Variants in TMEM132B observed in about 807,000 individuals in gnomAD.
The protein encoded by TMEM132B is transmembrane protein 132B.
A neutral mutation model predicts 90.8 loss-of-function variants in TMEM132B; 18 were observed. The ratio of observed to expected loss-of-function variants is 0.20; its 90% CI spans 0.14 to 0.29. The LOEUF (loss-of-function observed/expected upper bound fraction) is 0.29. Among genes scored for constraint, TMEM132B ranks in the 10% least tolerant of loss-of-function variants. The pLI is 1.00. For missense variants in TMEM132B, 1,096 were observed against 1,326.8 expected, an observed-to-expected ratio of 0.83 and a Z score of 2.70; for synonymous variants, 504 against 523.3, an observed-to-expected ratio of 0.96 and a Z score of 0.50.
chr12:125,294,025 C>T (rs1168974076), intron 1 of TMEM132B, among the ~76,000 whole-genome samples: 1 of 152,214 alleles, frequency 6.6e-6, no homozygotes, highest in African/African-American at 2.4e-5. Flanking sequence ...AGCCTTGCAG[C>T]CAGCAAGCCT....
intron 4 of TMEM132B, among the ~76,000 whole-genome samples, chr12:125,581,868 C>T (rs1885061839): frequency 6.6e-6 from 1 of 152,112 alleles, no homozygotes; most frequent in Admixed American, 6.5e-5. Flanking sequence ...CACAGTGCTT[C>T]CAGTCCTATG....
At chr12:125,484,052 C>T (rs1270642876) in intron 3 of TMEM132B, among the ~76,000 whole-genome samples, 1 of 152,102 alleles carries the variant, frequency 6.6e-6, no homozygotes, top group Non-Finnish European at 1.5e-5. Flanking sequence ...TGTTCTTTCA[C>T]AACTTACCCC....
intron 1 of TMEM132B, among the ~76,000 whole-genome samples, chr12:125,262,919 C>T (rs2136111574): frequency 6.6e-6 from 1 of 152,316 alleles, no homozygotes; most frequent in East Asian, 1.9e-4. Context: ...TTGGGGAGCA[C>T]CTTGCAGAGC....
chr12:125,395,311 C>T (rs910326083), intron 2 of TMEM132B, among the ~76,000 whole-genome samples: 3 of 152,188 alleles, frequency 2.0e-5, no homozygotes, highest in Admixed American at 1.3e-4. Context: ...TATGACCAGA[C>T]ATTTTACAAA....
At chr12:125,258,001 A>G (rs1463383296) in intron 1 of TMEM132B, among the ~76,000 whole-genome samples, 1 of 152,248 alleles carries the variant, frequency 6.6e-6, no homozygotes, top group African/African-American at 2.4e-5. Context: ...ATTTCAGCAC[A>G]ATTTGTTACA....
intron 3 of TMEM132B, among the ~76,000 whole-genome samples, chr12:125,453,131 A>T (rs1260648802): frequency 1.3e-5 from 2 of 151,760 alleles, no homozygotes; most frequent in Non-Finnish European, 2.9e-5. Flanking sequence ...CAACACTTAA[A>T]TTTTTTTAAT....
Position 125,415,540 on chromosome 12 carries a change from G to A in TMEM132B, c.969G>A (p.Ala323=), listed in dbSNP as rs1348467148. 15 of 1,613,994 alleles carry A rather than the reference G, an allele frequency of 9.3e-6. 1 individual carries two copies. In the South Asian group the frequency reaches 1.1e-4, roughly 12 times the overall value. The part of the protein sequence containing the change: ...VADQFTLRIK[A]AAGVKITAVR... ...TTTTCCCACCCCACAGAATTAAGGC[G>A]GCAGCAGGTGTGAAGATAACGGCAG... The change falls in exon 3 of 9, where the codon GCG becomes GCA. Residue 323 remains alanine, a synonymous_variant. Transcript: ENST00000682704. The surrounding 1 kb of genome is among the most constrained non-coding windows in gnomAD (Gnocchi z 5.3).
At chr12:125,523,162 C>T (rs545071897) in intron 4 of TMEM132B, among the ~76,000 whole-genome samples, 15 of 152,280 alleles carry the variant, frequency 9.9e-5, no homozygotes, top group East Asian at 3.9e-4. Flanking sequence ...TCCTGTGCTG[C>T]GCTAACAAAT....
At chr12:125,505,192 A>C (rs999770569) in intron 3 of TMEM132B, among the ~76,000 whole-genome samples, 2 of 148,696 alleles carry the variant, frequency 1.3e-5, no homozygotes, top group African/African-American at 5.1e-5. Context: ...AAAAAAAAAA[A>C]AAACAGTAAG....
chr12:125,304,722 T>C (rs530817882), intron 1 of TMEM132B, among the ~76,000 whole-genome samples: 27 of 152,256 alleles, frequency 1.8e-4, no homozygotes, highest in African/African-American at 6.3e-4. Flanking sequence ...TCCCAACTAC[T>C]TGGGGGGCTG....
chr12:125,516,163 A>T (rs928439381), intron 3 of TMEM132B, among the ~76,000 whole-genome samples: 2 of 151,866 alleles, frequency 1.3e-5, no homozygotes, highest in African/African-American at 4.8e-5. Context: ...TCACATTCTC[A>T]CACACACACT....
At chr12:125,470,198 A>T (rs1881674058) in intron 3 of TMEM132B, among the ~76,000 whole-genome samples, 1 of 152,132 alleles carries the variant, frequency 6.6e-6, no homozygotes, top group Non-Finnish European at 1.5e-5. Flanking sequence ...AGTGAGCTGC[A>T]CCAACAGTCT....
At chr12:125,622,970 G>A (rs960249664) in intron 5 of TMEM132B, among the ~76,000 whole-genome samples, 3 of 152,116 alleles carry the variant, frequency 2.0e-5, no homozygotes, top group Non-Finnish European at 4.4e-5. Flanking sequence ...CTGCCAAAAT[G>A]TTTATCTTTT....
intron 2 of TMEM132B, among the ~76,000 whole-genome samples, chr12:125,387,822 T>C (rs1325406030): frequency 6.6e-6 from 1 of 152,132 alleles, no homozygotes; most frequent in African/African-American, 2.4e-5. Context: ...CATCCTTAAC[T>C]AACAGCAAAA....
chr12:125,484,854 C>T (rs1242359201), intron 3 of TMEM132B, among the ~76,000 whole-genome samples: 1 of 152,108 alleles, frequency 6.6e-6, no homozygotes, highest in Non-Finnish European at 1.5e-5. Context: ...ATCCTTCTAC[C>T]TTGGGTTCCC....
At chr12:125,243,149 AT>A (rs1311520607) in intron 1 of TMEM132B, among the ~76,000 whole-genome samples, 30 of 131,286 alleles carry the variant, frequency 2.3e-4, no homozygotes, top group African/African-American at 8.7e-4. Flanking sequence ...ATATATATAT[AT>A]AATTTTTTTT....
At chr12:125,442,217 C>T (rs372189491) in intron 3 of TMEM132B, among the ~76,000 whole-genome samples, 13 of 152,170 alleles carry the variant, frequency 8.5e-5, no homozygotes, top group South Asian at 2.1e-4. Flanking sequence ...ATCTGCTGTC[C>T]GTGTGCTGTT....
intron 1 of TMEM132B, among the ~76,000 whole-genome samples, chr12:125,215,891 A>G (rs189366297): frequency 6.6e-6 from 1 of 152,348 alleles, no homozygotes; most frequent in African/African-American, 2.4e-5. Context: ...AACAGAAGGT[A>G]ATCTCCCCAG....
intron 5 of TMEM132B, among the ~76,000 whole-genome samples, chr12:125,599,045 C>G (rs1763527631): frequency 6.6e-6 from 1 of 152,102 alleles, no homozygotes; most frequent in Non-Finnish European, 1.5e-5. Flanking sequence ...AGTGAGGGAG[C>G]AACATAGTTT....
Sources: gnomAD v4.1 joint callset for allele counts (sites outside exome capture counted in the v4.1 genomes callset) on GRCh38, gnomAD v4.1.1 for gene constraint, Gnocchi (gnomAD v3.1) non-coding constraint, MANE v1.5 for transcripts, NCBI Gene and HGNC (gene_info 2026-07-23, HGNC 2026-07-21) for gene names.